RABGAP1L: variants seen among roughly 807,000 people sequenced by gnomAD.
RABGAP1L encodes the protein rab GTPase-activating protein 1-like.
RABGAP1L carries 63 observed loss-of-function variants against 137.7 expected under a neutral mutation model. The ratio of observed to expected loss-of-function variants is 0.46; its 90% CI spans 0.37 to 0.56. RABGAP1L has a LOEUF of 0.56. RABGAP1L is among the 20% of genes least tolerant of loss of function. The pLI, the probability that RABGAP1L is intolerant of heterozygous loss-of-function variation, is 0.00. For missense variants in RABGAP1L, 1,095 were observed against 1,244.0 expected, an observed-to-expected ratio of 0.88 and a Z score of 1.80; for synonymous variants, 431 against 433.7, an observed-to-expected ratio of 0.99 and a Z score of 0.08.
chr1:174,806,820 C>T (rs1689347717), intron 18 of RABGAP1L, among the ~76,000 whole-genome samples: 1 of 152,218 alleles, frequency 6.6e-6, no homozygotes, highest in Non-Finnish European at 1.5e-5. Flanking sequence ...AGGTCTCACT[C>T]TGTCACCTAG....
rs564385543 is a variant in RABGAP1L, at chr1:174,542,140, G to A, written c.1711-95235G>A. 1.3e-3 allele frequency among the ~76,000 whole-genome samples: 191 copies of A among 152,216 alleles called. 1 individual carries two copies. The highest frequency in any genetic ancestry group is 4.2e-3 in the African/African-American group (176 of 41,526). On this transcript the variant is annotated intron_variant, in intron 13 of 25. Coordinates refer to ENST00000681986, the MANE Select transcript of RABGAP1L (RefSeq NM_001366446.1). Reference sequence around the variant, plus strand: ...GTTAGGGAGGATTCCCTCTTTTTCTGTTGATTGGAATAGTTTCAGAAGGAA... The same window carrying A: ...GTTAGGGAGGATTCCCTCTTTTTCTATTGATTGGAATAGTTTCAGAAGGAA...
intron 11 of RABGAP1L, among the ~76,000 whole-genome samples, chr1:174,366,833 C>T (rs1684671485): frequency 6.9e-6 from 1 of 145,426 alleles, no homozygotes; most frequent in South Asian, 2.2e-4. Context: ...CAGTATCTTT[C>T]TGCCATTTTC....
intron 11 of RABGAP1L, among the ~76,000 whole-genome samples, chr1:174,368,369 G>A (rs1684825271): frequency 6.6e-6 from 1 of 152,114 alleles, no homozygotes; most frequent in Non-Finnish European, 1.5e-5. Flanking sequence ...TTGATCAAAT[G>A]ATATATTAAC....
chr1:174,667,078 C>T (rs1484058086), intron 14 of RABGAP1L, among the ~76,000 whole-genome samples: 2 of 151,538 alleles, frequency 1.3e-5, no homozygotes, highest in Non-Finnish European at 2.9e-5. Flanking sequence ...AAATATTAAG[C>T]CTATCAACTC....
intron 11 of RABGAP1L, among the ~76,000 whole-genome samples, chr1:174,343,670 G>A (rs1682180579): frequency 6.6e-6 from 1 of 152,064 alleles, no homozygotes; most frequent in African/African-American, 2.4e-5. Flanking sequence ...AAATCTGATT[G>A]GGTTCATTAG....
chr1:174,931,579 CG>C (rs1381135458), intron 19 of RABGAP1L, among the ~76,000 whole-genome samples: 1 of 152,062 alleles, frequency 6.6e-6, no homozygotes, highest in African/African-American at 2.4e-5. Flanking sequence ...ATCTCAGCCA[CG>C]TAGTTCTATT....
In RABGAP1L at chr1:174,825,633, C is replaced by T. The variant is rs533276563; in HGVS notation, c.2340+13673C>T. Among the ~76,000 whole-genome samples the T allele has an allele frequency of 1.1e-4, 16 of 152,324 alleles. No individual in the cohort carries two copies. In the South Asian group the frequency reaches 3.3e-3, roughly 32 times the overall value. On this transcript the variant is annotated intron_variant, in intron 19 of 25. Transcript: ENST00000681986. ...GCATGGTGGCTCACACCTGTAATCC[C>T]AGCACTTTGGGAGGCCAAGGTGGTG...
chr1:174,829,455 TTAGA>T (rs1691888415), intron 19 of RABGAP1L, among the ~76,000 whole-genome samples: 1 of 148,502 alleles, frequency 6.7e-6, no homozygotes, highest in African/African-American at 2.5e-5. Flanking sequence ...CCGTTAAGAC[TTAGA>T]TAGAAGGTCA....
intron 15 of RABGAP1L, among the ~76,000 whole-genome samples, chr1:174,685,748 A>G (rs938291082): frequency 6.6e-6 from 1 of 152,066 alleles, no homozygotes; most frequent in African/African-American, 2.4e-5. Flanking sequence ...ATTTTAGTAG[A>G]TGGGGTTTCA....
intron 13 of RABGAP1L, among the ~76,000 whole-genome samples, chr1:174,616,059 G>C (rs1309946304): frequency 6.6e-6 from 1 of 152,216 alleles, no homozygotes; most frequent in Non-Finnish European, 1.5e-5. Flanking sequence ...GCCCTGCTTT[G>C]GCTCGCACAC....
intron 18 of RABGAP1L, among the ~76,000 whole-genome samples, chr1:174,808,069 C>A (rs747925807): frequency 1.3e-5 from 2 of 151,468 alleles, no homozygotes; most frequent in African/African-American, 4.9e-5. Flanking sequence ...CTGCAAGCTC[C>A]GCCTCCTGGG....
intron 19 of RABGAP1L, among the ~76,000 whole-genome samples, chr1:174,951,274 A>G (rs1667664070): frequency 1.3e-5 from 2 of 152,244 alleles, no homozygotes; most frequent in Non-Finnish European, 2.9e-5. Flanking sequence ...CCCAGGCAGT[A>G]GAGCAAAGTG....
At chr1:174,635,345 C>G (rs964547647) in intron 13 of RABGAP1L, among the ~76,000 whole-genome samples, 1 of 152,174 alleles carries the variant, frequency 6.6e-6, no homozygotes, top group African/African-American at 2.4e-5. Context: ...TATTCCTCAT[C>G]TTTCAGGTAG....
At chr1:174,887,618 G>C (rs999731115) in intron 19 of RABGAP1L, among the ~76,000 whole-genome samples, 1 of 152,128 alleles carries the variant, frequency 6.6e-6, no homozygotes, top group African/African-American at 2.4e-5. Flanking sequence ...AACTTGGGGG[G>C]GGGGTCATGG....
At chr1:174,552,606 C>T (rs1666623616) in intron 13 of RABGAP1L, among the ~76,000 whole-genome samples, 1 of 151,776 alleles carries the variant, frequency 6.6e-6, no homozygotes. Flanking sequence ...AATACCAATA[C>T]TCTTTATCCA....
chr1:174,988,159 A>G (rs2149398587), intron 24 of RABGAP1L, among the ~76,000 whole-genome samples: 1 of 152,314 alleles, frequency 6.6e-6, no homozygotes, highest in Middle Eastern at 3.4e-3. Flanking sequence ...AAATTCAACA[A>G]CAGGACATGT....
intron 13 of RABGAP1L, among the ~76,000 whole-genome samples, chr1:174,597,802 T>A (rs1670082269): frequency 6.6e-6 from 1 of 152,226 alleles, no homozygotes; most frequent in Non-Finnish European, 1.5e-5. Context: ...TAAACTTTGC[T>A]CTCAGTATTG....
intron 19 of RABGAP1L, among the ~76,000 whole-genome samples, chr1:174,890,360 A>G (rs1655920656): frequency 6.6e-6 from 1 of 152,004 alleles, no homozygotes; most frequent in Non-Finnish European, 1.5e-5. Context: ...ACTGAAGTTC[A>G]TTTTCCTTGT....
intron 13 of RABGAP1L, among the ~76,000 whole-genome samples, chr1:174,407,299 A>T (rs1277306355): frequency 4.1e-5 from 6 of 144,588 alleles, no homozygotes; most frequent in African/African-American, 8.0e-5. Context: ...GTGTCTCTTT[A>T]TGTTTTTTTT....
Sources: gnomAD v4.1 joint callset for allele counts (sites outside exome capture counted in the v4.1 genomes callset) on GRCh38, gnomAD v4.1.1 for gene constraint, MANE v1.5 for transcripts, NCBI Gene and HGNC (gene_info 2026-07-23, HGNC 2026-07-21) for gene names.